Variants in SH2D4A observed in about 807,000 individuals in gnomAD.
SH2D4A encodes the protein SH2 domain containing 4A, also known as SH2 domain-containing protein 4A.
In SH2D4A, 70 loss-of-function variants were observed where a neutral mutation model predicts 64.7. The ratio of observed to expected loss-of-function variants is 1.08; its 90% CI spans 0.89 to 1.32. SH2D4A has a LOEUF of 1.32. Among genes scored for constraint, SH2D4A ranks in the 40% most tolerant of loss-of-function variants. The pLI is 0.00. For missense variants in SH2D4A, 706 were observed against 540.1 expected (o/e 1.31, Z -3.04); for synonymous variants, 268 against 200.7 (o/e 1.34, Z -2.83).
chr8:19,377,541 T>C (rs1408506399), intron 8 of SH2D4A, among the ~76,000 whole-genome samples: 3 of 152,240 alleles, frequency 2.0e-5, no homozygotes, highest in Non-Finnish European at 4.4e-5. Flanking sequence ...ATATACAGTA[T>C]TGTGTTTAAC....
At chr8:19,339,495 C>CTTTTTTTTTTTTTTTTTTTTTTT (rs5889867) in intron 4 of SH2D4A, among the ~76,000 whole-genome samples, 1 of 129,026 alleles carries the variant, frequency 7.8e-6, no homozygotes, top group African/African-American at 3.0e-5. Context: ...TATAAACTTT[C>CTTTTTTTTTTTTTTTTTTTTTTT]TTTTTTTTTT....
intron 8 of SH2D4A, among the ~76,000 whole-genome samples, chr8:19,375,830 T>C (rs768249260): frequency 9.2e-5 from 14 of 152,178 alleles, no homozygotes; most frequent in Admixed American, 4.6e-4. Flanking sequence ...GGTTCATATA[T>C]CATAACATCA....
rs796428545 is a variant in SH2D4A at position 19,375,512 on chromosome 8, C to T, written c.1048+1852C>T. 1.1e-4 allele frequency: 16 copies of T among 152,196 alleles called. 1 individual carries two copies. Among genetic ancestry groups the T allele is most frequent in the African/African-American group, 3.9e-4 (16 of 41,494 alleles). The allele number at this position is 152,196 out of a possible 1,614,324, so 9.4% of individuals were successfully genotyped here. ...TTCATCTTTTTCTCTCAATTAAGCTCAAGGTAAGGATGTGAGTGGGTAGGA... is the reference window on the plus strand; with the variant it reads ...TTCATCTTTTTCTCTCAATTAAGCTTAAGGTAAGGATGTGAGTGGGTAGGA... On this transcript the variant is annotated intron_variant, in intron 8 of 9. Transcript: ENST00000265807.
intron 4 of SH2D4A, among the ~76,000 whole-genome samples, chr8:19,344,545 G>C (rs2052581901): frequency 6.6e-6 from 1 of 152,090 alleles, no homozygotes; most frequent in Non-Finnish European, 1.5e-5. Flanking sequence ...GATTAGATTG[G>C]GCCCACAGTT....
At chr8:19,365,416 TAGG>T (rs1389561225) in intron 7 of SH2D4A, among the ~76,000 whole-genome samples, 2 of 152,140 alleles carry the variant, frequency 1.3e-5, no homozygotes, top group Non-Finnish European at 2.9e-5. Context: ...AGTCAGGAAA[TAGG>T]AGTCTCTTAA....
chr8:19,358,488 A>G (rs1213909523), intron 5 of SH2D4A, among the ~76,000 whole-genome samples: 1 of 152,176 alleles, frequency 6.6e-6, no homozygotes, highest in African/African-American at 2.4e-5. Context: ...CACTCTGGGA[A>G]GGCAGTATTG....
chr8:19,327,861 G>A (rs1340762406), intron 2 of SH2D4A, among the ~76,000 whole-genome samples: 1 of 152,038 alleles, frequency 6.6e-6, no homozygotes, highest in Non-Finnish European at 1.5e-5. Flanking sequence ...CTTCCATCCC[G>A]CCTTTGTAGC....
intron 7 of SH2D4A, among the ~76,000 whole-genome samples, chr8:19,367,169 T>G (rs2053011831): frequency 6.6e-6 from 1 of 152,326 alleles, no homozygotes; most frequent in East Asian, 1.9e-4. Flanking sequence ...ACAACTAGGT[T>G]GATTCCATAT....
chr8:19,342,612 C>T (rs1204679863), intron 4 of SH2D4A, among the ~76,000 whole-genome samples: 1 of 152,004 alleles, frequency 6.6e-6, no homozygotes, highest in African/African-American at 2.4e-5. Context: ...ATTCCTGTTC[C>T]GAGTGGGGGG....
chr8:19,354,945 A>T (rs952344093), intron 4 of SH2D4A, among the ~76,000 whole-genome samples: 1 of 152,230 alleles, frequency 6.6e-6, no homozygotes, highest in Non-Finnish European at 1.5e-5. Context: ...CCAGAACTCC[A>T]GTTTCATAAG....
intron 8 of SH2D4A, among the ~76,000 whole-genome samples, chr8:19,390,650 G>C (rs969307151): frequency 2.6e-4 from 39 of 152,156 alleles, no homozygotes; most frequent in African/African-American, 8.9e-4. Flanking sequence ...ACTACCACTT[G>C]GATCATTCAA....
At chr8:19,370,441 T>C (rs970870316) in intron 7 of SH2D4A, among the ~76,000 whole-genome samples, 1 of 152,112 alleles carries the variant, frequency 6.6e-6, no homozygotes, top group Non-Finnish European at 1.5e-5. Context: ...TACATATATA[T>C]TTATAACTGT....
Position 19,353,674 on chromosome 8 carries a change from G to GTT in SH2D4A, c.514-3509_514-3508dup, listed in dbSNP as rs55989081. Among the ~76,000 whole-genome samples, 275 of 105,116 alleles carry GTT rather than the reference G, an allele frequency of 2.6e-3. 4 individuals carry two copies. The highest frequency in any genetic ancestry group is 3.6e-3 in the East Asian group (12 of 3,368). The allele number at this position is 105,116 out of a possible 152,430, so 69.0% of individuals were successfully genotyped here. On this transcript the variant is annotated intron_variant, in intron 4 of 9. Transcript: ENST00000265807. ...GAGCCACCACACCTGGCCTCTAGCTGTTTTTTTTTTTTTTTTTTTTTAATA... is the reference window on the plus strand; with the variant it reads ...GAGCCACCACACCTGGCCTCTAGCTGTTTTTTTTTTTTTTTTTTTTTTTAATA...
intron 8 of SH2D4A, among the ~76,000 whole-genome samples, chr8:19,385,956 A>G (rs1026518506): frequency 4.6e-5 from 7 of 152,202 alleles, no homozygotes; most frequent in African/African-American, 1.4e-4. Flanking sequence ...GTAGTTATTT[A>G]TGTGATTTCT....
At chr8:19,324,416 T>C (rs148872496) in intron 2 of SH2D4A, among the ~76,000 whole-genome samples, 1 of 152,338 alleles carries the variant, frequency 6.6e-6, no homozygotes, top group Non-Finnish European at 1.5e-5. Flanking sequence ...TTTTGTGAAA[T>C]AATGTTAAGG....
intron 7 of SH2D4A, among the ~76,000 whole-genome samples, chr8:19,364,509 C>T (rs1267029931): frequency 2.0e-5 from 3 of 152,028 alleles, no homozygotes; most frequent in African/African-American, 7.3e-5. Flanking sequence ...TTAGTATACC[C>T]AGTGAAATAG....
At chr8:19,319,106 G>T (rs762796737) in intron 1 of SH2D4A, among the ~76,000 whole-genome samples, 1 of 151,528 alleles carries the variant, frequency 6.6e-6, no homozygotes, top group Non-Finnish European at 1.5e-5. Context: ...GCCTGAGATT[G>T]ACCTGTATAA....
At chr8:19,368,530 A>G (rs1371296748) in intron 7 of SH2D4A, among the ~76,000 whole-genome samples, 2 of 150,000 alleles carry the variant, frequency 1.3e-5, no homozygotes, top group Non-Finnish European at 3.0e-5. Context: ...AGTGTTTTAT[A>G]GTTTTTCTTG....
chr8:19,374,777 A>G (rs1389361635), intron 8 of SH2D4A, among the ~76,000 whole-genome samples: 1 of 152,092 alleles, frequency 6.6e-6, no homozygotes, highest in Non-Finnish European at 1.5e-5. Flanking sequence ...TTCTGCTTGA[A>G]GACAATGAGA....
Sources: gnomAD v4.1 joint callset for allele counts (sites outside exome capture counted in the v4.1 genomes callset) on GRCh38, gnomAD v4.1.1 for gene constraint, MANE v1.5 for transcripts, NCBI Gene and HGNC (gene_info 2026-07-23, HGNC 2026-07-21) for gene names.